Variants in ME2 observed in about 807,000 individuals in gnomAD.
ME2 encodes malic enzyme 2.
A neutral mutation model predicts 73.7 loss-of-function variants in ME2; 60 were observed. The ratio of observed to expected loss-of-function variants is 0.81; its 90% CI spans 0.66 to 1.01. The LOEUF is 1.01. ME2 is among the 50% of genes least tolerant of loss of function. The pLI is 0.00. For synonymous variants in ME2, 199 were observed against 236.9 expected (o/e 0.84, Z 1.47); for missense variants, 594 against 705.5 (o/e 0.84, Z 1.79).
Position 50,912,918 on chromosome 18 carries a change from C to A in ME2, c.360C>A (p.Cys120Ter). 6.2e-7 allele frequency: 1 copy of A among 1,610,716 alleles called. No individual in the cohort carries two copies. Among genetic ancestry groups the A allele is most frequent in the African/African-American group, 1.3e-5 (1 of 74,840 alleles). ...ATACACCGACGGTTGGTCTTGCCTG[C>A]TCCCAGTATGGACACATCTTTAGAA... The part of the protein sequence containing the change: ...IVYTPTVGLA[C>*]SQYGHIFRRP... The change falls in exon 4 of 16, where the codon TGC (cysteine) becomes TGA (stop). Residue 120 changes from cysteine to a stop codon, truncating the protein, a stop_gained. Coordinates refer to ENST00000321341, the MANE Select transcript of ME2 (RefSeq NM_002396.5). LOFTEE classifies it high-confidence loss of function.
Position 50,900,216 on chromosome 18 carries a change from GT to G in ME2, c.108+4299del, listed in dbSNP as rs561608978. Among the ~76,000 whole-genome samples the G allele has an allele frequency of 4.9e-3, 719 of 145,810 alleles. 6 individuals are homozygous for G. The highest frequency in any genetic ancestry group is 0.014 in the African/African-American group (546 of 40,034). On this transcript the variant is annotated intron_variant, in intron 2 of 15. Coordinates refer to ENST00000321341, the MANE Select transcript of ME2 (RefSeq NM_002396.5). Reference sequence around the variant, plus strand: ...AAAGTCTTAAAAATTGAGTGATGCAGTTTTTTTTTTTAAATAAGAATAGGGG... The same window carrying G: ...AAAGTCTTAAAAATTGAGTGATGCAGTTTTTTTTTTAAATAAGAATAGGGG...
intron 15 of ME2, among the ~76,000 whole-genome samples, chr18:50,940,880 G>A (rs1349411126): frequency 6.6e-6 from 1 of 152,046 alleles, no homozygotes; most frequent in African/African-American, 2.4e-5. Context: ...ATGCTGCATG[G>A]CATTCTCTTT....
In ME2 at chr18:50,900,270, T is replaced by TTTTATTTA. The variant is rs201561556; in HGVS notation, c.108+4377_108+4384dup. Among the ~76,000 whole-genome samples the TTTTATTTA allele has an allele frequency of 2.2e-3, 303 of 140,910 alleles. 1 individual carries two copies. Among genetic ancestry groups the TTTTATTTA allele is most frequent in the African/African-American group, 6.5e-3 (247 of 37,936 alleles). 92.4% of individuals were successfully genotyped at this position (140,910 alleles called of 152,430 possible). A position where few individuals can be genotyped will look rare whatever the true frequency, so the allele number is the denominator to read the frequency against. Reference sequence around the variant, plus strand: ...GGAAGAAGGAAAAAAGTAAGAATAATTTTATTTATTTATTTATTTATTTAT... The same window carrying TTTTATTTA: ...GGAAGAAGGAAAAAAGTAAGAATAATTTTATTTATTTATTTATTTATTTATTTATTTAT... On this transcript the variant is annotated intron_variant, in intron 2 of 15. Coordinates refer to ENST00000321341, the MANE Select transcript of ME2 (RefSeq NM_002396.5).
At chr18:50,940,834 G>A (rs550166653) in intron 15 of ME2, among the ~76,000 whole-genome samples, 1 of 152,226 alleles carries the variant, frequency 6.6e-6, no homozygotes, top group East Asian at 1.9e-4. Context: ...TCTTTTCCAT[G>A]TAACTTAATA....
intron 13 of ME2, among the ~76,000 whole-genome samples, chr18:50,938,024 T>TAAAAA (rs1181995091): frequency 6.6e-6 from 1 of 152,106 alleles, no homozygotes; most frequent in Admixed American, 6.6e-5. Flanking sequence ...TTGTAGACCG[T>TAAAAA]TAGGTATAAA....
intron 7 of ME2, among the ~76,000 whole-genome samples, chr18:50,919,360 G>A (rs1002899068): frequency 4.6e-5 from 7 of 152,124 alleles, no homozygotes; most frequent in South Asian, 2.1e-4. Flanking sequence ...TTGCTGGCAC[G>A]TAGAAGATAT....
chr18:50,933,244 G>A (rs1394726385), intron 13 of ME2: 1 of 152,098 alleles, frequency 6.6e-6, no homozygotes, highest in East Asian at 1.9e-4. Flanking sequence ...TTTTAAGCAA[G>A]ACTGTGTTGA....
At chr18:50,883,856 C>CT in intron 1 of ME2, among the ~76,000 whole-genome samples, 1 of 152,230 alleles carries the variant, frequency 6.6e-6, no homozygotes, top group South Asian at 2.1e-4. Context: ...GAGCAAGACT[C>CT]TGTCTAAAAA....
chr18:50,910,000 T>C (rs1917109201), intron 3 of ME2, among the ~76,000 whole-genome samples: 1 of 152,186 alleles, frequency 6.6e-6, no homozygotes. Context: ...TAGTGAACTC[T>C]CAATCTTAAC....
At chr18:50,908,959 T>TTC (rs1395471752) in intron 3 of ME2, among the ~76,000 whole-genome samples, 2 of 140,218 alleles carry the variant, frequency 1.4e-5, no homozygotes, top group Non-Finnish European at 3.1e-5. Flanking sequence ...TTCTTTTCTT[T>TTC]TTTTTTTTTT....
At chr18:50,928,971 A>G (rs73434482) in intron 12 of ME2, among the ~76,000 whole-genome samples, 20,514 of 151,848 alleles carry the variant, frequency 0.14, 2,032 homozygotes, top group African/African-American at 0.28. Context: ...TCTCTTCCCC[A>G]ACACCAAACT....
chr18:50,918,958 C>CTA (rs139193550), intron 7 of ME2, among the ~76,000 whole-genome samples: 46 of 152,288 alleles, frequency 3.0e-4, no homozygotes, highest in African/African-American at 1.1e-3. Context: ...TCCAAACAAC[C>CTA]TATCTTCTGT....
intron 13 of ME2, chr18:50,932,631 G>T: frequency 4.1e-6 from 1 of 245,808 alleles, no homozygotes; most frequent in Non-Finnish European, 7.7e-6. Flanking sequence ...ACAAAATTAT[G>T]TAACCCTTTC....
At chr18:50,891,295 G>A (rs765259123) in intron 1 of ME2, among the ~76,000 whole-genome samples, 56 of 152,136 alleles carry the variant, frequency 3.7e-4, no homozygotes, top group African/African-American at 1.0e-3. Flanking sequence ...AGGAGACACC[G>A]AGGAAGGTTA....
chr18:50,931,770 G>A (rs554174801), intron 12 of ME2, among the ~76,000 whole-genome samples: 46 of 151,938 alleles, frequency 3.0e-4, no homozygotes, highest in African/African-American at 1.1e-3. Flanking sequence ...TGCCTCCTGG[G>A]TTCAAGTGAT....
intron 7 of ME2, among the ~76,000 whole-genome samples, chr18:50,919,319 T>G (rs1390792304): frequency 2.0e-5 from 3 of 152,210 alleles, no homozygotes; most frequent in Non-Finnish European, 4.4e-5. Context: ...CTCTTTTACC[T>G]TAATGATCTA....
In ME2 at chr18:50,948,502, T is replaced by C. The variant is rs989430926; in HGVS notation, c.*1318T>C. 1 of 152,034 alleles carries C rather than the reference T, an allele frequency of 6.6e-6. No individual in the cohort carries two copies. Among genetic ancestry groups the C allele is most frequent in the Non-Finnish European group, 1.5e-5 (1 of 68,026 alleles). 9.4% of individuals were successfully genotyped at this position (152,034 alleles called of 1,614,324 possible). Reference sequence around the variant, plus strand: ...ATTGCTCTGTAGGAAAAAAGAGACTTCATTTTTTTCATCTTCTGCCTATGA... The same window carrying C: ...ATTGCTCTGTAGGAAAAAAGAGACTCCATTTTTTTCATCTTCTGCCTATGA... On this transcript the variant is annotated 3_prime_UTR_variant, in exon 16 of 16. Coordinates refer to ENST00000321341, the MANE Select transcript of ME2 (RefSeq NM_002396.5).
chr18:50,894,226 GTGTT>G (rs1916675892), intron 1 of ME2, among the ~76,000 whole-genome samples: 1 of 152,196 alleles, frequency 6.6e-6, no homozygotes, highest in Non-Finnish European at 1.5e-5. Flanking sequence ...GCAAACTGGA[GTGTT>G]TCAGTGTCCA....
intron 4 of ME2, among the ~76,000 whole-genome samples, chr18:50,913,947 T>G (rs1917225894): frequency 6.6e-6 from 1 of 151,942 alleles, no homozygotes; most frequent in African/African-American, 2.4e-5. Context: ...TTATTATTTT[T>G]CTCAATCCTT....
Sources: gnomAD v4.1 joint callset for allele counts (sites outside exome capture counted in the v4.1 genomes callset) on GRCh38, gnomAD v4.1.1 for gene constraint, MANE v1.5 for transcripts, NCBI Gene and HGNC (gene_info 2026-07-23, HGNC 2026-07-21) for gene names.